CCKBR: variants seen among roughly 807,000 people sequenced by gnomAD.
CCKBR encodes cholecystokinin B receptor, also known as gastrin/cholecystokinin type B receptor.
Under a neutral mutation model 34.6 loss-of-function variants are expected in CCKBR, and 33 were observed. That is an observed-to-expected ratio of 0.95 (90% CI 0.72 to 1.27). CCKBR has a LOEUF of 1.27. Ranked by LOEUF, CCKBR falls within the 50% of genes most tolerant of loss-of-function variation. The pLI is 0.00. For missense variants in CCKBR, 652 were observed against 617.4 expected, an observed-to-expected ratio of 1.06 and a Z score of -0.59; for synonymous variants, 269 against 267.5, an observed-to-expected ratio of 1.01 and a Z score of -0.06.
intron 1 of CCKBR, among the ~76,000 whole-genome samples, chr11:6,262,029 C>A (rs1848140798): frequency 6.6e-6 from 1 of 152,100 alleles, no homozygotes; most frequent in South Asian, 2.1e-4. Flanking sequence ...ACTTGGACAA[C>A]TGAATGGATA....
chr11:6,261,284 G>A (rs969159371), intron 1 of CCKBR, among the ~76,000 whole-genome samples: 6 of 151,700 alleles, frequency 4.0e-5, no homozygotes, highest in African/African-American at 1.5e-4. Context: ...AGCACAAAGT[G>A]GAAGAGCCTT....
chr11:6,271,266 G>T lies in CCKBR; in HGVS notation c.1067G>T (p.Arg356Leu). ...CCAGTTTATAGTGCCAACACGTGGC[G>T]CGCCTTTGATGGCCCGGGTGCACAC... ...WLPVYSANTW[R>L]AFDGPGAHRA... Residue 356 changes from arginine (R) to leucine (L), a missense_variant, in exon 5 of 5, where the codon CGC becomes CTC. Physicochemically the swap from Arg to Leu is moderately radical, Grantham distance 102. Transcript: ENST00000334619. 1.2e-6 allele frequency: 2 copies of T among 1,614,148 alleles called. No homozygotes were observed. Among genetic ancestry groups the T allele is most frequent in the Non-Finnish European group, 1.7e-6 (2 of 1,180,018 alleles).
intron 1 of CCKBR, among the ~76,000 whole-genome samples, 170 bp downstream of exon 1, chr11:6,260,249 C>T (rs78337258): frequency 0.016 from 2,427 of 152,016 alleles, 28 homozygotes; most frequent in Middle Eastern, 0.024. Flanking sequence ...CCCCCACAGC[C>T]TACAACTTCA....
intron 1 of CCKBR, among the ~76,000 whole-genome samples, chr11:6,261,735 C>A (rs60386949): frequency 0.7 from 106,449 of 151,620 alleles, 38,171 homozygotes; most frequent in East Asian, 0.94. Context: ...CATGGACTTT[C>A]TCCCGAGGGC....
chr11:6,262,164 A>T (rs540589293), intron 1 of CCKBR, among the ~76,000 whole-genome samples: 5 of 152,328 alleles, frequency 3.3e-5, no homozygotes, highest in Non-Finnish European at 7.3e-5. Context: ...CATCCAGGTG[A>T]GGTTACCTAG....
In CCKBR at chr11:6,259,974, G is replaced by A. The variant is rs1232414579; in HGVS notation, c.46G>A (p.Gly16Arg). The A allele has an allele frequency of 2.6e-6, 4 of 1,556,804 alleles. No homozygotes were observed. The highest frequency in any genetic ancestry group is 3.5e-6 in the Non-Finnish European group (4 of 1,155,804). The stretch of plus-strand genomic sequence containing the variant: ...CCGGAGCGTGCAGGGAACCGGACCC[G>A]GGCCGGGGGCTTCCCTGTGCCGCCC... ...LNRSVQGTGP[G>R]PGASLCRPGA... The change falls in exon 1 of 5, where the codon GGG (glycine) becomes AGG (arginine). Residue 16 changes from glycine (G) to arginine (R), a missense_variant. Coordinates refer to ENST00000334619, the MANE Select transcript of CCKBR (RefSeq NM_176875.4).
At chr11:6,268,661 T>A (rs1283691824) in intron 1 of CCKBR, among the ~76,000 whole-genome samples, 2 of 152,222 alleles carry the variant, frequency 1.3e-5, no homozygotes, top group Non-Finnish European at 2.9e-5. Flanking sequence ...CATGTTCATC[T>A]CTTTGTCCCC....
chr11:6,268,547 T>C (rs781465380), intron 1 of CCKBR, among the ~76,000 whole-genome samples: 37 of 152,170 alleles, frequency 2.4e-4, no homozygotes, highest in Non-Finnish European at 4.3e-4. Flanking sequence ...TCCTATGAGC[T>C]CCAACAGCAC....
chr11:6,261,500 T>C (rs10839532), intron 1 of CCKBR, among the ~76,000 whole-genome samples: 78 of 117,220 alleles, frequency 6.7e-4, no homozygotes, highest in Middle Eastern at 4.6e-3. Flanking sequence ...CACACACACA[T>C]ATACATATGG....
In CCKBR at chr11:6,260,037, C is replaced by T. The variant is rs1805000; in HGVS notation, c.109C>T (p.Leu37Phe). 686 of 1,598,122 alleles carry T rather than the reference C, an allele frequency of 4.3e-4. 8 individuals are homozygous for T. In the East Asian group the frequency reaches 0.016, roughly 36 times the overall value. Residue 37 changes from leucine to phenylalanine, a missense_variant, in exon 1 of 5, where the codon CTC becomes TTC. Transcript: ENST00000334619. ...PLLNSSSVGN[L>F]SCEPPRIRGA... ...CCTCAACAGCAGCAGTGTGGGCAACCTCAGCTGCGAGCCCCCTCGCATTCG... is the reference window on the plus strand; with the variant it reads ...CCTCAACAGCAGCAGTGTGGGCAACTTCAGCTGCGAGCCCCCTCGCATTCG...
chr11:6,271,742 G>C lies in CCKBR; in HGVS notation c.*199G>C. On this transcript the variant is annotated 3_prime_UTR_variant, in exon 5 of 5. Transcript: ENST00000334619. ...TACATGGGAAAGGAGGCATGCCTCT[G>C]ATATGGGACTGAGCCTGGCCCATAG... 1 of 571,926 alleles carries C rather than the reference G, an allele frequency of 1.7e-6. No homozygotes were observed. Among genetic ancestry groups the C allele is most frequent in the Non-Finnish European group, 3.0e-6 (1 of 330,112 alleles). 35.4% of individuals were successfully genotyped at this position (571,926 alleles called of 1,614,324 possible). A position where few individuals can be genotyped will look rare whatever the true frequency, so the allele number is the denominator to read the frequency against.
chr11:6,261,452 A>ATATATATAT (rs1464632432), intron 1 of CCKBR, among the ~76,000 whole-genome samples: 54 of 46,772 alleles, frequency 1.2e-3, no homozygotes, highest in East Asian at 6.4e-3. Context: ...AAAAAAAAAA[A>ATATATATAT]AAATATATAT....
At chr11:6,267,839 T>C (rs1848231350) in intron 1 of CCKBR, among the ~76,000 whole-genome samples, 1 of 152,170 alleles carries the variant, frequency 6.6e-6, no homozygotes, top group African/African-American at 2.4e-5. Flanking sequence ...TAATCTTTTG[T>C]TGTTGTTATT....
rs770228241 is a variant in CCKBR at position 6,270,276 on chromosome 11, G to C, written c.592G>C (p.Val198Leu). ...CCCCGTGTACACTGTCGTGCAACCA[G>C]TGGGGCCTCGTGTGCTGCAGTGCGT... ...PYPVYTVVQP[V>L]GPRVLQCVHR... Residue 198 changes from valine to leucine, a missense_variant, in exon 3 of 5, where the codon GTG becomes CTG. Physicochemically the swap from Val to Leu is conservative, Grantham distance 32 (BLOSUM62 1). Coordinates refer to ENST00000334619, the MANE Select transcript of CCKBR (RefSeq NM_176875.4). 2 of 1,613,426 alleles carry C rather than the reference G, an allele frequency of 1.2e-6. No individual in the cohort carries two copies. The highest frequency in any genetic ancestry group is 1.7e-6 in the Non-Finnish European group (2 of 1,180,042).
At chr11:6,262,684 GAA>G (rs1491388260) in intron 1 of CCKBR, among the ~76,000 whole-genome samples, 69 of 95,264 alleles carry the variant, frequency 7.2e-4, no homozygotes, top group Non-Finnish European at 1.1e-3. Flanking sequence ...GGTAGGCAAA[GAA>G]AGAGAGAGAG....
chr11:6,269,954 A>T, intron 2 of CCKBR, 34 bp downstream of exon 2: 2 of 1,610,104 alleles, frequency 1.2e-6, no homozygotes, highest in Non-Finnish European at 1.7e-6. Context: ...CCCACTTGCC[A>T]CTCTCCCCGC....
At position 6,259,860 on chromosome 11, in the gene CCKBR, T is replaced by C; in HGVS notation, c.-69T>C. On this transcript the variant is annotated 5_prime_UTR_variant, in exon 1 of 5. Transcript: ENST00000334619. ...GGGAGCCTGAGCCGGAATCGCAGCG[T>C]GAGCAGGTGGAGCCGCGTTGGGAGC... 5 of 1,281,964 alleles carry C rather than the reference T, an allele frequency of 3.9e-6. No individual in the cohort carries two copies. Among genetic ancestry groups the C allele is most frequent in the Non-Finnish European group, 4.1e-6 (4 of 982,942 alleles). The allele number at this position is 1,281,964 out of a possible 1,614,324, so 79.4% of individuals were successfully genotyped here.
chr11:6,270,436 A>G (rs116904057), intron 3 of CCKBR, 99 bp downstream of exon 3: 4 of 1,473,430 alleles, frequency 2.7e-6, no homozygotes, highest in African/African-American at 1.4e-5. Flanking sequence ...CCGGAGAATT[A>G]CCACGCCAAC....
chr11:6,267,406 G>A (rs1286928523), intron 1 of CCKBR, among the ~76,000 whole-genome samples: 2 of 151,246 alleles, frequency 1.3e-5, no homozygotes, highest in Admixed American at 1.3e-4. Flanking sequence ...ACACACATTG[G>A]GCTACACAGG....
Sources: gnomAD v4.1 joint callset for allele counts (sites outside exome capture counted in the v4.1 genomes callset) on GRCh38, gnomAD v4.1.1 for gene constraint, MANE v1.5 for transcripts, NCBI Gene and HGNC (gene_info 2026-07-23, HGNC 2026-07-21) for gene names.